Variants in BPNT1 observed in about 807,000 individuals in gnomAD.
The protein encoded by BPNT1 is 3'(2'),5'-bisphosphate nucleotidase 1.
In BPNT1, 28 loss-of-function variants were observed where a neutral mutation model predicts 36.9. The ratio of observed to expected loss-of-function variants is 0.76; its 90% confidence interval spans 0.56 to 1.04. The LOEUF (loss-of-function observed/expected upper bound fraction) is 1.04. BPNT1 is among the 50% of genes least tolerant of loss of function. BPNT1 has a pLI of 0.00. For synonymous variants in BPNT1, 119 were observed against 130.9 expected (o/e 0.91, Z 0.62); for missense variants, 313 against 372.9 (o/e 0.84, Z 1.32).
rs554944434 is a variant in BPNT1 at position 220,089,706 on chromosome 1, A to C, written c.-29T>G. 2 of 152,392 alleles carry C rather than the reference A, an allele frequency of 1.3e-5. No individual in the cohort carries two copies. The highest frequency in any genetic ancestry group is 4.1e-4 in the South Asian group (2 of 4,832). 9.4% of individuals were successfully genotyped at this position (152,392 alleles called of 1,614,324 possible). A position where few individuals can be genotyped will look rare whatever the true frequency, so the allele number is the denominator to read the frequency against. ...CAAACCTGGAACAACGTTGGACCAA[A>C]GACACTTCAGGAGGAGCAAAAGCGC... On this transcript the variant is annotated 5_prime_UTR_variant, in exon 1 of 9. Transcript: ENST00000322067.
At chr1:220,078,458 AAAT>A (rs1223357570) in intron 2 of BPNT1, among the ~76,000 whole-genome samples, 12 of 122,366 alleles carry the variant, frequency 9.8e-5, no homozygotes, top group African/African-American at 2.9e-4. Context: ...ACTTATATAT[AAAT>A]AATAAATAAT....
In BPNT1 at chr1:220,069,871, G is replaced by A. The variant is rs11118493; in HGVS notation, c.334-439C>T. ...GAATCACTTGAACTCAGGAGGCGGAGGTAGCAGTGAGCAGAGATCGTGCCA... is the reference window on the plus strand; with the variant it reads ...GAATCACTTGAACTCAGGAGGCGGAAGTAGCAGTGAGCAGAGATCGTGCCA... On this transcript the variant is annotated intron_variant, in intron 4 of 8. Transcript: ENST00000322067. Among the ~76,000 whole-genome samples the A allele has an allele frequency of 1.3e-3, 205 of 152,012 alleles. 1 individual carries two copies. Among genetic ancestry groups the A allele is most frequent in the African/African-American group, 4.8e-3 (198 of 41,450 alleles).
intron 1 of BPNT1, among the ~76,000 whole-genome samples, chr1:220,085,641 CA>C (rs1421605635): frequency 1.3e-5 from 2 of 152,118 alleles, no homozygotes; most frequent in Non-Finnish European, 2.9e-5. Context: ...GTGTTAAGGG[CA>C]AAAAGTTCCT....
At chr1:220,082,079 T>TAGAGAGAG (rs1262791343) in intron 1 of BPNT1, among the ~76,000 whole-genome samples, 1 of 110,542 alleles carries the variant, frequency 9.0e-6, no homozygotes, top group African/African-American at 3.2e-5. Flanking sequence ...TATATATATA[T>TAGAGAGAG]ATATATAGAG....
chr1:220,088,432 G>A (rs1655945963), intron 1 of BPNT1, among the ~76,000 whole-genome samples: 1 of 146,086 alleles, frequency 6.8e-6, no homozygotes, highest in African/African-American at 2.5e-5. Flanking sequence ...GTGGTGAGCC[G>A]AGATCGCGCC....
In BPNT1 at chr1:220,071,976, C is replaced by A. The variant is rs573461254; in HGVS notation, c.333+874G>T. On this transcript the variant is annotated intron_variant, in intron 4 of 8. Transcript: ENST00000322067. ...TGCTGGGATTATAGGCGTGAGCCAC[C>A]ATGGCCAGCGTGAAACCTATACATC... is the stretch of plus-strand genomic sequence containing the variant. Among the ~76,000 whole-genome samples, 3 of 152,258 alleles carry A rather than the reference C, an allele frequency of 2.0e-5. No homozygotes were observed. The South Asian group carries it at 6.2e-4, about 32-fold the overall frequency.
chr1:220,059,517 GCTCT>G (rs1304849572), intron 8 of BPNT1, among the ~76,000 whole-genome samples, 165 bp downstream of exon 8: 1 of 151,998 alleles, frequency 6.6e-6, no homozygotes, highest in Non-Finnish European at 1.5e-5. Flanking sequence ...CTGAAAATCT[GCTCT>G]CTCATCCATC....
In BPNT1 at chr1:220,064,413, C is replaced by T. The variant is rs1663343814; in HGVS notation, c.475-1459G>A. ...TGTTAGGAAGTGCGCTTGGTATCAA[C>T]ACCTGTGGAAGGAGGAGGAGGGTGT... On this transcript the variant is annotated intron_variant, in intron 6 of 8. Coordinates refer to ENST00000322067, the MANE Select transcript of BPNT1 (RefSeq NM_006085.6). 3.3e-5 allele frequency among the ~76,000 whole-genome samples: 5 copies of T among 152,270 alleles called. No homozygotes were observed. In the South Asian group the frequency reaches 8.3e-4, roughly 25 times the overall value.
chr1:220,059,722 T>A lies in BPNT1; in HGVS notation c.742A>T (p.Thr248Ser). 6.2e-7 allele frequency: 1 copy of A among 1,611,410 alleles called. No individual in the cohort carries two copies. Among genetic ancestry groups the A allele is most frequent in the Non-Finnish European group, 8.5e-7 (1 of 1,179,182 alleles). Reference protein sequence around the residue: ...FASPGCKKWDTCAPEVILHAV... With the variant: ...FASPGCKKWDSCAPEVILHAV... The stretch of plus-strand genomic sequence containing the variant: ...TGTAAAATAACTTCTGGAGCACAAG[T>A]ATCCCACTTCTTACAACCAGGACTT... The change falls in exon 8 of 9, where the codon ACT (threonine) becomes TCT (serine). Residue 248 changes from threonine (T) to serine (S), a missense_variant. Physicochemically the swap from Thr to Ser is moderately conservative, Grantham distance 58. Coordinates refer to ENST00000322067, the MANE Select transcript of BPNT1 (RefSeq NM_006085.6).
At chr1:220,060,202 A>G (rs1028486674) in intron 7 of BPNT1, among the ~76,000 whole-genome samples, 2 of 152,160 alleles carry the variant, frequency 1.3e-5, no homozygotes, top group African/African-American at 4.8e-5. Flanking sequence ...AGGGCTGCGC[A>G]TGGTGGCTCA....
intron 8 of BPNT1, 106 bp from the exon 9 acceptor site, chr1:220,059,098 A>G: frequency 9.0e-7 from 1 of 1,110,404 alleles, no homozygotes; most frequent in Non-Finnish European, 1.3e-6. Flanking sequence ...AGTAGCCAAT[A>G]AATTCTGGAT....
chr1:220,075,401 A>G (rs996149015), intron 2 of BPNT1, among the ~76,000 whole-genome samples: 5 of 152,222 alleles, frequency 3.3e-5, no homozygotes, highest in African/African-American at 1.2e-4. Flanking sequence ...TATGAAAAGC[A>G]ACTGTTTTAT....
At chr1:220,068,638 C>T (rs1347339915) in intron 5 of BPNT1, among the ~76,000 whole-genome samples, 1 of 151,796 alleles carries the variant, frequency 6.6e-6, no homozygotes, top group African/African-American at 2.4e-5. Flanking sequence ...TGGTGAAACC[C>T]CATCTCTCCT....
At chr1:220,078,507 A>AATATAATTAT (rs1204468190) in intron 2 of BPNT1, among the ~76,000 whole-genome samples, 63 of 141,122 alleles carry the variant, frequency 4.5e-4, no homozygotes, top group Non-Finnish European at 7.8e-4. Context: ...AATTTTATAT[A>AATATAATTAT]ATATAATTAT....
chr1:220,066,680 T>C (rs1663561393), intron 6 of BPNT1, among the ~76,000 whole-genome samples: 1 of 152,160 alleles, frequency 6.6e-6, no homozygotes. Flanking sequence ...CTTGCTTCTA[T>C]GGAAGGCAAT....
At chr1:220,059,635 A>G (rs751123383) in intron 8 of BPNT1, 51 bp downstream of exon 8, 23 of 1,311,968 alleles carry the variant, frequency 1.8e-5, no homozygotes, top group Middle Eastern at 1.9e-4. Context: ...ATGTCTTAGC[A>G]TGATATAATT....
At position 220,076,701 on chromosome 1, in the gene BPNT1, TTAATAATAA is replaced by T. The variant is rs144111730; in HGVS notation, c.121-2639_121-2631del. On this transcript the variant is annotated intron_variant, in intron 2 of 8. Coordinates refer to ENST00000322067, the MANE Select transcript of BPNT1 (RefSeq NM_006085.6). ...ACTCCTTCTTAAAAAAAAAAATAAA[TTAATAATAA>T]TAATAATAATAATAATAATAATAGT... 7.0e-4 allele frequency among the ~76,000 whole-genome samples: 101 copies of T among 144,158 alleles called. 1 individual carries two copies. Among genetic ancestry groups the T allele is most frequent in the African/African-American group, 2.1e-3 (85 of 39,678 alleles). 94.6% of individuals were successfully genotyped at this position (144,158 alleles called of 152,430 possible).
In BPNT1 at chr1:220,058,328, C is replaced by T. The variant is rs1662707495; in HGVS notation, c.*516G>A. On this transcript the variant is annotated 3_prime_UTR_variant, in exon 9 of 9. Coordinates refer to ENST00000322067, the MANE Select transcript of BPNT1 (RefSeq NM_006085.6). ...TTGAGTTTATAAGTTCTCCAGACGT[C>T]AAAATTGGTCTGGTTGATTAATCAA... 1 of 987,480 alleles carries T rather than the reference C, an allele frequency of 1.0e-6. No homozygotes were observed. 61.2% of individuals were successfully genotyped at this position (987,480 alleles called of 1,614,324 possible).
At position 220,059,780 on chromosome 1, in the gene BPNT1, C is replaced by T; in HGVS notation, c.684G>A (p.Leu228=). The T allele has an allele frequency of 6.3e-7, 1 of 1,598,806 alleles. No individual in the cohort carries two copies. Among genetic ancestry groups the T allele is most frequent in the Non-Finnish European group, 8.5e-7 (1 of 1,173,608 alleles). The change falls in exon 8 of 9, where the codon CTG becomes CTA. Residue 228 remains leucine, a synonymous_variant. Coordinates refer to ENST00000322067, the MANE Select transcript of BPNT1 (RefSeq NM_006085.6). ...VGGAGNKIIQ[L]IEGKASAYVF... is the part of the protein sequence containing the mutation. ...CATAAGCAGAGGCTTTGCCTTCAAT[C>T]AGCTGAATAATCTGTAAGGGTAAAA...
Sources: gnomAD v4.1 joint callset for allele counts (sites outside exome capture counted in the v4.1 genomes callset) on GRCh38, gnomAD v4.1.1 for gene constraint, MANE v1.5 for transcripts, NCBI Gene and HGNC (gene_info 2026-07-23, HGNC 2026-07-21) for gene names.